TYW1B: variants seen among roughly 807,000 people sequenced by gnomAD.
The protein encoded by TYW1B is S-adenosyl-L-methionine-dependent tRNA 4-demethylwyosine synthase TYW1B.
In TYW1B, 73 loss-of-function variants were observed where a neutral mutation model predicts 86.9. The ratio of observed to expected loss-of-function variants is 0.84; its 90% CI spans 0.70 to 1.02. TYW1B has a LOEUF of 1.02. TYW1B is among the 50% of genes least tolerant of loss of function. The pLI is 0.00. For missense variants in TYW1B, 637 were observed against 827.4 expected, an observed-to-expected ratio of 0.77 and a Z score of 2.82; for synonymous variants, 248 against 292.8, an observed-to-expected ratio of 0.85 and a Z score of 1.56.
intron 13 of TYW1B, among the ~76,000 whole-genome samples, chr7:72,593,820 T>TAAAAAAAAA (rs59821679): frequency 4.6e-5 from 2 of 43,694 alleles, no homozygotes; most frequent in African/African-American, 1.9e-4. Context: ...AGACTCCATC[T>TAAAAAAAAA]AAAAAAAAAA....
intron 6 of TYW1B, among the ~76,000 whole-genome samples, chr7:72,797,842 C>T (rs1224619720): frequency 6.6e-6 from 1 of 152,152 alleles, no homozygotes; most frequent in Non-Finnish European, 1.5e-5. Flanking sequence ...GAAGTCAGGG[C>T]AGTCTTCTAT....
At position 72,632,283 on chromosome 7, in the gene TYW1B, G is replaced by GTATATATATATATATATATATTA. The variant is rs1563038313; in HGVS notation, c.1507-3287_1507-3286insTAATATATATATATATATATATA. ...CCAAAAAATATATATATATATATAC[G>GTATATATATATATATATATATTA]TGTATATATATATATACGTGTATAT... On this transcript the variant is annotated intron_variant, in intron 11 of 13. Transcript: ENST00000620995. 2.0e-3 allele frequency among the ~76,000 whole-genome samples: 109 copies of GTATATATATATATATATATATTA among 54,152 alleles called. 2 individuals carry two copies. The highest frequency in any genetic ancestry group is 9.6e-3 in the African/African-American group (59 of 6,126). 35.5% of individuals were successfully genotyped at this position (54,152 alleles called of 152,430 possible). A position where few individuals can be genotyped will look rare whatever the true frequency, so the allele number is the denominator to read the frequency against.
intron 5 of TYW1B, among the ~76,000 whole-genome samples, chr7:72,806,617 A>G (rs1260756815): frequency 1.3e-5 from 2 of 151,838 alleles, no homozygotes; most frequent in Non-Finnish European, 2.9e-5. Flanking sequence ...ACACCACCAC[A>G]TGAGTTTCAC....
intron 5 of TYW1B, among the ~76,000 whole-genome samples, chr7:72,805,471 G>T: frequency 6.6e-6 from 1 of 151,624 alleles, no homozygotes; most frequent in Non-Finnish European, 1.5e-5. Context: ...AATTAGCTAG[G>T]CATGGTGGCA....
chr7:72,738,921 A>AAAT (rs1787250153), intron 8 of TYW1B, among the ~76,000 whole-genome samples: 1 of 150,288 alleles, frequency 6.7e-6, no homozygotes, highest in Admixed American at 6.6e-5. Context: ...AAAAAAAAAA[A>AAAT]AATAATAATA....
rs554944598 is a variant in TYW1B at position 72,763,904 on chromosome 7, A to C, written c.964+13512T>G. 3.3e-5 allele frequency among the ~76,000 whole-genome samples: 5 copies of C among 152,346 alleles called. No homozygotes were observed. In the South Asian group the frequency reaches 1.0e-3, roughly 32 times the overall value. ...GCATTGACAAATGGTAAGTGATATT[A>C]GATCTTCTTTCAGTTATTTCTGTGG... On this transcript the variant is annotated intron_variant, in intron 7 of 13. Transcript: ENST00000620995.
At chr7:72,734,425 T>C (rs567838540) in intron 8 of TYW1B, among the ~76,000 whole-genome samples, 27 of 151,984 alleles carry the variant, frequency 1.8e-4, no homozygotes, top group Non-Finnish European at 3.7e-4. Flanking sequence ...GGTCATGCAG[T>C]GGGGAAAGAC....
intron 13 of TYW1B, among the ~76,000 whole-genome samples, chr7:72,599,059 T>C (rs1443874054): frequency 5.9e-5 from 9 of 152,174 alleles, no homozygotes; most frequent in Non-Finnish European, 1.3e-4. Context: ...ATTACCCTGA[T>C]ACCAAAATGA....
chr7:72,650,441 C>G (rs1167275909), intron 11 of TYW1B, among the ~76,000 whole-genome samples: 2 of 151,992 alleles, frequency 1.3e-5, no homozygotes, highest in African/African-American at 2.4e-5. Flanking sequence ...AAGATGAGCC[C>G]AGAAAGAAGA....
chr7:72,776,943 A>T (rs1267742909), intron 7 of TYW1B, among the ~76,000 whole-genome samples: 5 of 152,096 alleles, frequency 3.3e-5, no homozygotes, highest in Non-Finnish European at 7.4e-5. Flanking sequence ...ATAGAGGGGA[A>T]GTGGGGAGGG....
At chr7:72,586,019 C>A (rs550408023) in intron 13 of TYW1B, among the ~76,000 whole-genome samples, 1 of 152,240 alleles carries the variant, frequency 6.6e-6, no homozygotes, top group South Asian at 2.1e-4. Context: ...GTTCAGGGGC[C>A]CCCAAGACCA....
At chr7:72,820,070 T>C (rs1424127007) in intron 2 of TYW1B, among the ~76,000 whole-genome samples, 1 of 151,970 alleles carries the variant, frequency 6.6e-6, no homozygotes, top group Admixed American at 6.6e-5. Context: ...AGGTCAGGAG[T>C]TTGCGACCAG....
At chr7:72,686,764 T>C (rs3015928) in intron 11 of TYW1B, among the ~76,000 whole-genome samples, 1 of 152,120 alleles carries the variant, frequency 6.6e-6, no homozygotes, top group Admixed American at 6.6e-5. Context: ...GCCACTCTTG[T>C]GGGTGATGTT....
chr7:72,625,816 A>AT (rs1381440795), intron 12 of TYW1B, among the ~76,000 whole-genome samples: 3 of 142,568 alleles, frequency 2.1e-5, no homozygotes, highest in Non-Finnish European at 4.5e-5. Context: ...ATGTTGACTG[A>AT]TTTTTTTCAG....
chr7:72,621,107 A>G (rs374065134), intron 12 of TYW1B, among the ~76,000 whole-genome samples: 3 of 152,182 alleles, frequency 2.0e-5, no homozygotes, highest in African/African-American at 4.8e-5. Context: ...GTGGAGCCCA[A>G]TGGGAGGTGT....
At chr7:72,710,486 T>C (rs1482366522) in intron 10 of TYW1B, among the ~76,000 whole-genome samples, 3 of 152,244 alleles carry the variant, frequency 2.0e-5, no homozygotes, top group African/African-American at 7.2e-5. Flanking sequence ...TTTCATATTA[T>C]TGCCTGGTAG....
At chr7:72,602,833 A>AACAC (rs55709140) in intron 13 of TYW1B, among the ~76,000 whole-genome samples, 5,936 of 127,762 alleles carry the variant, frequency 0.046, 77 homozygotes, top group East Asian at 0.079. Flanking sequence ...AAGTGCTCAA[A>AACAC]ACACACACAC....
At chr7:72,722,620 C>CA (rs1301855159) in intron 9 of TYW1B, among the ~76,000 whole-genome samples, 1 of 152,148 alleles carries the variant, frequency 6.6e-6, no homozygotes, top group Non-Finnish European at 1.5e-5. Flanking sequence ...ACTGAAAAGA[C>CA]AATGATTGCC....
chr7:72,725,956 A>G (rs1786991464), intron 9 of TYW1B, among the ~76,000 whole-genome samples: 1 of 152,144 alleles, frequency 6.6e-6, no homozygotes, highest in African/African-American at 2.4e-5. Flanking sequence ...GAGAAGCCTA[A>G]CACACTCTCC....
Sources: gnomAD v4.1 joint callset for allele counts (sites outside exome capture counted in the v4.1 genomes callset) on GRCh38, gnomAD v4.1.1 for gene constraint, MANE v1.5 for transcripts, NCBI Gene and HGNC (gene_info 2026-07-23, HGNC 2026-07-21) for gene names.